Variants in NEB observed in about 807,000 individuals in gnomAD.
NEB encodes nebulin.
A neutral mutation model predicts 952.2 loss-of-function variants in NEB; 512 were observed. The observed-to-expected ratio is 0.54, with a 90% CI of 0.50 to 0.58. The LOEUF (loss-of-function observed/expected upper bound fraction) is 0.58, where lower values mean the gene tolerates loss of function less well. NEB is among the 20% of genes least tolerant of loss of function. The pLI is 0.00. For missense variants in NEB, 8,428 were observed against 9,231.1 expected, an observed-to-expected ratio of 0.91 and a Z score of 3.56; for synonymous variants, 2,900 against 3,149.8, an observed-to-expected ratio of 0.92 and a Z score of 2.66.
At chr2:151,534,723 G>C (rs1351337064) in intron 142 of NEB, among the ~76,000 whole-genome samples, 1 of 152,156 alleles carries the variant, frequency 6.6e-6, no homozygotes, top group African/African-American at 2.4e-5. Context: ...ATTTGTAATA[G>C]TCTTCTAATG....
chr2:151,720,328 G>T (rs1159262192), intron 9 of NEB, among the ~76,000 whole-genome samples: 3 of 152,176 alleles, frequency 2.0e-5, no homozygotes, highest in Admixed American at 6.5e-5. Context: ...CCTACACATG[G>T]TGCATTCTGC....
In NEB at chr2:151,610,017, A is replaced by AT; in HGVS notation, c.12121dup (p.Ile4041AsnfsTer4). On this transcript the variant is annotated frameshift_variant, in exon 81 of 182. Transcript: ENST00000397345. LOFTEE classifies it high-confidence loss of function. ...CTTCTTGTACTCCCTTTCACTTTGA[A>AT]TTTTTCCTGCATGTATGGCACACAT... 1 of 1,613,610 alleles carries AT rather than the reference A, an allele frequency of 6.2e-7. No individual in the cohort carries two copies. Among genetic ancestry groups the AT allele is most frequent in the Non-Finnish European group, 8.5e-7 (1 of 1,179,804 alleles).
intron 124 of NEB, among the ~76,000 whole-genome samples, chr2:151,556,178 T>C (rs984784156): frequency 9.2e-5 from 14 of 152,194 alleles, no homozygotes; most frequent in Non-Finnish European, 1.6e-4. Flanking sequence ...AATAATTCCA[T>C]AGACTGTCTA....
chr2:151,491,604 C>CTGG, intron 179 of NEB, 79 bp downstream of exon 179: 1 of 1,222,794 alleles, frequency 8.2e-7, no homozygotes, highest in Non-Finnish European at 1.2e-6. Flanking sequence ...GAAGGAACTT[C>CTGG]AGAGCCCAAA....
intron 107 of NEB, among the ~76,000 whole-genome samples, chr2:151,570,988 T>C (rs2096609775): frequency 6.6e-6 from 1 of 152,136 alleles, no homozygotes; most frequent in Admixed American, 6.5e-5. Context: ...GTCTGTGTCA[T>C]AAACATTCCA....
In NEB at chr2:151,680,031, G is replaced by GA. The variant is rs760628422; in HGVS notation, c.3043-10dup. On this transcript the variant is annotated splice_polypyrimidine_tract_variant and intron_variant, in intron 30 of 181. Transcript: ENST00000397345. ...TTGGCTTTGTAAGCGATCTGAAAGA[G>GA]AAAAAAATGCATAAACAAACAAATA... 3.1e-5 allele frequency: 48 copies of GA among 1,554,960 alleles called. No individual in the cohort carries two copies. The highest frequency in any genetic ancestry group is 4.5e-5 in the East Asian group (2 of 44,688).
chr2:151,658,971 T>G, intron 47 of NEB, 94 bp downstream of exon 47: 3 of 959,388 alleles, frequency 3.1e-6, no homozygotes, highest in South Asian at 2.6e-5. Flanking sequence ...TTTAAAACAT[T>G]CACTCTCATA....
intron 6 of NEB, 34 bp from the exon 7 acceptor site, chr2:151,724,995 A>G: frequency 6.6e-7 from 1 of 1,510,944 alleles, no homozygotes. Flanking sequence ...AGTTCATGAC[A>G]GGCATGTACA....
At chr2:151,576,483 T>TAC (rs1445126333) in intron 105 of NEB, 129 bp from the exon 106 acceptor site, 2 of 83,478 alleles carry the variant, frequency 2.4e-5, no homozygotes, top group Non-Finnish European at 4.2e-5. Flanking sequence ...ATAACATAAA[T>TAC]ACATATATAT....
intron 68 of NEB, among the ~76,000 whole-genome samples, chr2:151,628,590 C>T (rs943831747): frequency 6.6e-6 from 1 of 152,138 alleles, no homozygotes; most frequent in Non-Finnish European, 1.5e-5. Flanking sequence ...CCTGTAATCC[C>T]AGCACTTTGG....
At chr2:151,643,451 A>G (rs1051726722) in intron 57 of NEB, 98 bp from the exon 58 acceptor site, 2 of 1,024,506 alleles carry the variant, frequency 2.0e-6, no homozygotes, top group African/African-American at 3.3e-5. Context: ...ATAAAAGTTC[A>G]TATTATACTC....
rs193132406 is a variant in NEB, at chr2:151,682,220, G to T, written c.2943+442C>A. On this transcript the variant is annotated intron_variant, in intron 29 of 181. Coordinates refer to ENST00000397345, the MANE Select transcript of NEB (RefSeq NM_001164508.2). ...GGCTGAAGATGAGAGCTGAAATTTT[G>T]GGGGGAAACTTTTTGGGGTATTGCA... Among the ~76,000 whole-genome samples the T allele has an allele frequency of 3.6e-3, 551 of 152,216 alleles. 5 individuals are homozygous for T. Among genetic ancestry groups the T allele is most frequent in the African/African-American group, 6.1e-3 (255 of 41,528 alleles).
chr2:151,550,433 C>T lies in NEB; in HGVS notation c.19945-693G>A, dbSNP rs182831881. Among the ~76,000 whole-genome samples, 246 of 152,102 alleles carry T rather than the reference C, an allele frequency of 1.6e-3. 1 individual carries two copies. Among genetic ancestry groups the T allele is most frequent in the Admixed American group, 6.9e-3 (105 of 15,278 alleles). ...TCAGGTGATGATATGCAAGCCATCACGAAGATATAGCCAGGCACATGTTTG... is the reference window on the plus strand; with the variant it reads ...TCAGGTGATGATATGCAAGCCATCATGAAGATATAGCCAGGCACATGTTTG... On this transcript the variant is annotated intron_variant, in intron 129 of 181. Transcript: ENST00000397345.
intron 105 of NEB, among the ~76,000 whole-genome samples, chr2:151,578,453 G>T (rs949182122): frequency 2.6e-5 from 4 of 151,128 alleles, no homozygotes; most frequent in Admixed American, 2.6e-4. Context: ...TGAGGTCAGG[G>T]GTTTGAGACC....
In NEB at chr2:151,617,470, TACAA is replaced by T; in HGVS notation, c.11077-6_11077-3del. On this transcript the variant is annotated splice_region_variant and splice_polypyrimidine_tract_variant and intron_variant, in intron 74 of 181. Coordinates refer to ENST00000397345, the MANE Select transcript of NEB (RefSeq NM_001164508.2). Reference sequence around the variant, plus strand: ...GTCCCAGGCTTCAGTATATAAGCGCTACAAAAAAAAAAAAAAAAGAGAGAGAGAG... The same window carrying T: ...GTCCCAGGCTTCAGTATATAAGCGCTAAAAAAAAAAAAAAGAGAGAGAGAG... The T allele has an allele frequency of 8.8e-7, 1 of 1,141,806 alleles. No homozygotes were observed. The highest frequency in any genetic ancestry group is 1.1e-6 in the Non-Finnish European group (1 of 881,908). 70.7% of individuals were successfully genotyped at this position (1,141,806 alleles called of 1,614,324 possible). A position where few individuals can be genotyped will look rare whatever the true frequency, so the allele number is the denominator to read the frequency against.
At chr2:151,635,550 T>C (rs2098741971) in intron 64 of NEB, among the ~76,000 whole-genome samples, 1 of 151,756 alleles carries the variant, frequency 6.6e-6, no homozygotes. Flanking sequence ...CTACTAAAAA[T>C]ACAAAAAATT....
At chr2:151,698,401 CA>C (rs1418736126) in intron 13 of NEB, among the ~76,000 whole-genome samples, 1 of 151,974 alleles carries the variant, frequency 6.6e-6, no homozygotes, top group African/African-American at 2.4e-5. Flanking sequence ...CTGTAGTTGC[CA>C]AGGCCTGGAA....
At chr2:151,564,402 C>G (rs1390318341) in intron 117 of NEB, among the ~76,000 whole-genome samples, 2 of 152,152 alleles carry the variant, frequency 1.3e-5, no homozygotes, top group African/African-American at 2.4e-5. Flanking sequence ...ATCTACCAAC[C>G]TCACCCTCCC....
rs1039759571 is a variant in NEB at position 151,494,159 on chromosome 2, A to T, written c.24579+2T>A. On this transcript the variant is annotated splice_donor_variant, in intron 174 of 181. Coordinates refer to ENST00000397345, the MANE Select transcript of NEB (RefSeq NM_001164508.2). LOFTEE classifies it high-confidence loss of function. Reference sequence around the variant, plus strand: ...AAGCACTTTTGTTTCTCAAGACAATACCGAGCTAATGTTTTCTTGATTGCG... The same window carrying T: ...AAGCACTTTTGTTTCTCAAGACAATTCCGAGCTAATGTTTTCTTGATTGCG... 4.4e-6 allele frequency: 7 copies of T among 1,601,598 alleles called. No homozygotes were observed. Among genetic ancestry groups the T allele is most frequent in the Non-Finnish European group, 6.0e-6 (7 of 1,172,800 alleles).
Sources: gnomAD v4.1 joint callset for allele counts (sites outside exome capture counted in the v4.1 genomes callset) on GRCh38, gnomAD v4.1.1 for gene constraint, MANE v1.5 for transcripts, NCBI Gene and HGNC (gene_info 2026-07-23, HGNC 2026-07-21) for gene names.